Variants in TSHZ2 observed in about 807,000 individuals in gnomAD.
TSHZ2 encodes teashirt homolog 2.
A neutral mutation model predicts 74.4 loss-of-function variants in TSHZ2; 21 were observed. The observed-to-expected ratio is 0.28, with a 90% CI of 0.20 to 0.41. The LOEUF is 0.41. TSHZ2 is among the 10% of genes least tolerant of loss of function. The pLI is 1.00. For missense variants in TSHZ2, 1,244 were observed against 1,293.5 expected, an observed-to-expected ratio of 0.96 and a Z score of 0.59; for synonymous variants, 540 against 515.3, an observed-to-expected ratio of 1.05 and a Z score of -0.65.
chr20:52,980,807 G>T (rs886498373), intron 1 of TSHZ2, among the ~76,000 whole-genome samples: 3 of 152,116 alleles, frequency 2.0e-5, no homozygotes, highest in Non-Finnish European at 4.4e-5. Context: ...CTTCTATAGG[G>T]GAAAAATGGC....
intron 1 of TSHZ2, among the ~76,000 whole-genome samples, chr20:53,095,824 T>A (rs1345455032): frequency 1.3e-5 from 2 of 152,072 alleles, no homozygotes; most frequent in South Asian, 4.2e-4. Context: ...GGCCCCCAGT[T>A]GAGAACCACT....
rs747508364 is a variant in TSHZ2, at chr20:53,253,545, A to AGAG, written c.102_104dup (p.Glu34dup). On this transcript the variant is annotated inframe_insertion, in exon 2 of 3. Transcript: ENST00000371497. ...TGAAAGAAGAGGAGGAAATAAAAGA[A>AGAG]GAGGAGGAGGAGGAGGACAGCGGTT... is the stretch of plus-strand genomic sequence containing the variant. 1.3e-5 allele frequency: 21 copies of AGAG among 1,612,986 alleles called. No homozygotes were observed. Among genetic ancestry groups the AGAG allele is most frequent in the East Asian group, 4.5e-5 (2 of 44,882 alleles).
rs186852339 is a variant in TSHZ2 at position 53,156,320 on chromosome 20, C to G, written c.41-97179C>G. ...AAGAATCTTCCTACACTTATATACA[C>G]AAAATGATGGTGTCTGCCTGGAAGG... On this transcript the variant is annotated intron_variant, in intron 1 of 2. Transcript: ENST00000371497. Among the ~76,000 whole-genome samples the G allele has an allele frequency of 6.4e-3, 973 of 152,238 alleles. 3 individuals carry two copies. Among genetic ancestry groups the G allele is most frequent in the Non-Finnish European group, 0.01 (682 of 68,012 alleles).
At chr20:53,057,744 C>A (rs536837538) in intron 1 of TSHZ2, among the ~76,000 whole-genome samples, 15 of 152,250 alleles carry the variant, frequency 9.9e-5, no homozygotes, top group African/African-American at 3.6e-4. Context: ...GTGATGAACA[C>A]GCATGGTTCT....
intron 1 of TSHZ2, among the ~76,000 whole-genome samples, chr20:53,069,362 G>T (rs190081392): frequency 6.6e-6 from 1 of 152,064 alleles, no homozygotes; most frequent in Non-Finnish European, 1.5e-5. Flanking sequence ...CCCCTCCACC[G>T]TTGGGGGAGG....
intron 1 of TSHZ2, among the ~76,000 whole-genome samples, chr20:53,028,361 C>A (rs1983521097): frequency 6.6e-6 from 1 of 152,186 alleles, no homozygotes; most frequent in African/African-American, 2.4e-5. Flanking sequence ...ATCTTTAAAC[C>A]ATCTCCTTGT....
At chr20:53,472,624 TAGAA>T (rs1045823228) in intron 2 of TSHZ2, among the ~76,000 whole-genome samples, 16 of 151,846 alleles carry the variant, frequency 1.1e-4, no homozygotes, top group Non-Finnish European at 1.5e-5. Context: ...AGATGCTGCT[TAGAA>T]AGAGCTCCTC....
chr20:53,073,408 C>T (rs185380798), intron 1 of TSHZ2, among the ~76,000 whole-genome samples: 33 of 144,920 alleles, frequency 2.3e-4, no homozygotes, highest in Non-Finnish European at 4.4e-4. Flanking sequence ...ATTCATCCAT[C>T]CCTCCATTCC....
chr20:53,035,934 G>GTTAGAATATC (rs1207055171), intron 1 of TSHZ2, among the ~76,000 whole-genome samples: 4 of 152,140 alleles, frequency 2.6e-5, no homozygotes, highest in Non-Finnish European at 5.9e-5. Flanking sequence ...ATACATATTT[G>GTTAGAATATC]TTAGAATATC....
intron 2 of TSHZ2, among the ~76,000 whole-genome samples, chr20:53,336,986 C>T (rs556027854): frequency 4.8e-4 from 73 of 152,198 alleles, no homozygotes; most frequent in Non-Finnish European, 8.5e-4. Flanking sequence ...CTCATACATT[C>T]CACACTTGAG....
intron 2 of TSHZ2, among the ~76,000 whole-genome samples, chr20:53,356,964 T>TGC (rs1485683035): frequency 6.6e-6 from 1 of 152,198 alleles, no homozygotes; most frequent in African/African-American, 2.4e-5. Flanking sequence ...AATGTGTGTG[T>TGC]GCGCATGTGT....
intron 2 of TSHZ2, among the ~76,000 whole-genome samples, chr20:53,402,824 T>G (rs1167624174): frequency 6.6e-6 from 1 of 151,958 alleles, no homozygotes; most frequent in Non-Finnish European, 1.5e-5. Context: ...AGGAAGTGAG[T>G]GAGTCAGAAA....
At chr20:53,190,320 A>G (rs1988707782) in intron 1 of TSHZ2, among the ~76,000 whole-genome samples, 1 of 151,160 alleles carries the variant, frequency 6.6e-6, no homozygotes, top group East Asian at 2.0e-4. Context: ...CTGGTATCTG[A>G]ATAATAATGT....
chr20:53,413,694 GT>G (rs1464374421), intron 2 of TSHZ2, among the ~76,000 whole-genome samples: 1 of 152,340 alleles, frequency 6.6e-6, no homozygotes, highest in African/African-American at 2.4e-5. Flanking sequence ...GCACATTTTA[GT>G]TTTCTATGCC....
chr20:53,355,677 G>T (rs962910854), intron 2 of TSHZ2, among the ~76,000 whole-genome samples: 2 of 152,198 alleles, frequency 1.3e-5, no homozygotes, highest in African/African-American at 4.8e-5. Context: ...AAATTAGATT[G>T]TGGTGAAGGT....
intron 2 of TSHZ2, among the ~76,000 whole-genome samples, chr20:53,469,481 T>C (rs1035227525): frequency 1.3e-5 from 2 of 150,886 alleles, no homozygotes; most frequent in African/African-American, 2.4e-5. Context: ...GAGGTGGAGG[T>C]TGCAGTGAGC....
At chr20:53,056,266 G>A (rs1410859186) in intron 1 of TSHZ2, among the ~76,000 whole-genome samples, 1 of 152,128 alleles carries the variant, frequency 6.6e-6, no homozygotes, top group Non-Finnish European at 1.5e-5. Flanking sequence ...CAGTACTACA[G>A]GGAATATCAG....
intron 1 of TSHZ2, among the ~76,000 whole-genome samples, chr20:53,006,416 AC>A (rs1437575177): frequency 4.6e-5 from 7 of 152,264 alleles, no homozygotes. Flanking sequence ...CAATAGGAGC[AC>A]AGGCTCATGT....
At chr20:53,384,984 A>G (rs156626) in intron 2 of TSHZ2, among the ~76,000 whole-genome samples, 110,058 of 151,848 alleles carry the variant, frequency 0.72, 42,898 homozygotes, top group Non-Finnish European at 0.87. Context: ...AGCCGGGCAT[A>G]GTGGCGGGTG....
Sources: gnomAD v4.1 joint callset for allele counts (sites outside exome capture counted in the v4.1 genomes callset) on GRCh38, gnomAD v4.1.1 for gene constraint, MANE v1.5 for transcripts, NCBI Gene and HGNC (gene_info 2026-07-23, HGNC 2026-07-21) for gene names.